Variants in RBFOX1 observed in about 807,000 individuals in gnomAD.
The protein encoded by RBFOX1 is RNA binding protein fox-1 homolog 1.
RBFOX1 carries 8 observed loss-of-function variants against 57.7 expected under a neutral mutation model. That is an observed-to-expected ratio of 0.14 (90% confidence interval 0.08 to 0.25). The LOEUF is 0.25. Ranked by LOEUF, RBFOX1 falls within the 10% of genes least tolerant of loss-of-function variation. RBFOX1 has a pLI of 1.00. For missense variants in RBFOX1, 611 were observed against 548.5 expected (o/e 1.11, Z -1.14); for synonymous variants, 326 against 222.4 (o/e 1.47, Z -4.15).
chr16:5,922,504 G>A (rs1430700467), intron 4 of RBFOX1, among the ~76,000 whole-genome samples: 2 of 152,162 alleles, frequency 1.3e-5, no homozygotes, highest in African/African-American at 4.8e-5. Flanking sequence ...TCAGGGCAGA[G>A]GAGAGCCCAG....
chr16:5,587,453 C>T (rs971226229), intron 2 of RBFOX1, among the ~76,000 whole-genome samples: 1 of 152,224 alleles, frequency 6.6e-6, no homozygotes, highest in Non-Finnish European at 1.5e-5. Context: ...TCGCTCACGC[C>T]TGTCATCCCA....
intron 4 of RBFOX1, among the ~76,000 whole-genome samples, chr16:7,255,786 AT>A (rs1567913875): frequency 6.6e-6 from 1 of 152,208 alleles, no homozygotes; most frequent in African/African-American, 2.4e-5. Context: ...TTAACAATAT[AT>A]TTTACATTTT....
chr16:6,243,696 G>T (rs1411908681), intron 1 of RBFOX1, among the ~76,000 whole-genome samples: 1 of 152,192 alleles, frequency 6.6e-6, no homozygotes, highest in Non-Finnish European at 1.5e-5. Flanking sequence ...ATGGCTTGGG[G>T]ATGAGAACCT....
intron 2 of RBFOX1, among the ~76,000 whole-genome samples, chr16:6,523,522 A>G (rs770338001): frequency 3.9e-5 from 6 of 152,114 alleles, no homozygotes; most frequent in Non-Finnish European, 7.4e-5. Context: ...CTATCACCCT[A>G]TGCTAACTGG....
At chr16:7,137,211 T>G (rs1015634316) in intron 4 of RBFOX1, among the ~76,000 whole-genome samples, 2 of 152,196 alleles carry the variant, frequency 1.3e-5, no homozygotes, top group African/African-American at 4.8e-5. Flanking sequence ...ACTCTTCTGG[T>G]GCACACTAGG....
At chr16:6,469,449 G>A (rs547873614) in intron 2 of RBFOX1, among the ~76,000 whole-genome samples, 2 of 152,284 alleles carry the variant, frequency 1.3e-5, no homozygotes, top group East Asian at 3.9e-4. Flanking sequence ...CGTTGATTGA[G>A]CACCAGATGA....
intron 2 of RBFOX1, among the ~76,000 whole-genome samples, chr16:6,485,088 C>T (rs986220255): frequency 6.6e-6 from 1 of 152,144 alleles, no homozygotes; most frequent in Non-Finnish European, 1.5e-5. Context: ...TTGTGGTTTG[C>T]TATGACTAAG....
chr16:7,582,378 A>G (rs957276984), intron 6 of RBFOX1, among the ~76,000 whole-genome samples: 4 of 152,188 alleles, frequency 2.6e-5, no homozygotes, highest in African/African-American at 2.4e-5. Flanking sequence ...AATTTTGTCT[A>G]TAAAAGTGCC....
rs2040470534 is a variant in RBFOX1, at chr16:7,025,033, T to C, written c.-15-27024T>C. On this transcript the variant is annotated intron_variant, in intron 3 of 15. Coordinates refer to ENST00000550418, the MANE Select transcript of RBFOX1 (RefSeq NM_018723.4). ...CTGGATCCCGACCCCAAGAGAGCGT[T>C]CTCAGATCTCCCGCAAGACAAGAGT... 2.6e-5 allele frequency among the ~76,000 whole-genome samples: 4 copies of C among 152,048 alleles called. No homozygotes were observed. In the South Asian group the frequency reaches 8.3e-4, roughly 32 times the overall value.
At chr16:6,631,087 G>C (rs2098379555) in intron 2 of RBFOX1, among the ~76,000 whole-genome samples, 1 of 152,094 alleles carries the variant, frequency 6.6e-6, no homozygotes, top group East Asian at 1.9e-4. Flanking sequence ...CATTTGGAGG[G>C]GGGTTGGTGC....
intron 4 of RBFOX1, among the ~76,000 whole-genome samples, chr16:7,252,734 A>T (rs1469194749): frequency 2.0e-5 from 3 of 151,546 alleles, no homozygotes; most frequent in Admixed American, 2.0e-4. Context: ...CCAACGCTAA[A>T]GGTATTTAGG....
At chr16:6,694,092 T>G (rs1042100456) in intron 3 of RBFOX1, among the ~76,000 whole-genome samples, 4 of 152,224 alleles carry the variant, frequency 2.6e-5, no homozygotes, top group Admixed American at 2.6e-4. Context: ...TTTCAATAAT[T>G]CAACACCCAG....
At chr16:7,387,361 TAAAG>T (rs1298460786) in intron 4 of RBFOX1, among the ~76,000 whole-genome samples, 8 of 152,170 alleles carry the variant, frequency 5.3e-5, no homozygotes, top group Non-Finnish European at 1.2e-4. Context: ...ACACAGCTGA[TAAAG>T]AGAGGATGTG....
intron 3 of RBFOX1, among the ~76,000 whole-genome samples, chr16:6,682,829 A>G (rs1051709670): frequency 6.6e-6 from 1 of 151,790 alleles, no homozygotes; most frequent in Non-Finnish European, 1.5e-5. Context: ...TGAAAACAGG[A>G]TAAAGGCAAA....
intron 1 of RBFOX1, among the ~76,000 whole-genome samples, chr16:6,053,059 T>C (rs2095572795): frequency 6.6e-6 from 1 of 152,066 alleles, no homozygotes; most frequent in African/African-American, 2.4e-5. Flanking sequence ...TTCTTTAAAT[T>C]GGGAAGTTTT....
intron 4 of RBFOX1, among the ~76,000 whole-genome samples, chr16:7,053,286 C>A (rs972006148): frequency 2.6e-5 from 4 of 152,144 alleles, no homozygotes; most frequent in African/African-American, 9.7e-5. Context: ...CTCAGTATGG[C>A]CCTCTCTACC....
rs1029295344 is a variant in RBFOX1 at position 5,368,694 on chromosome 16, G to A, written c.220-98522G>A. Among the ~76,000 whole-genome samples, 9 of 152,260 alleles carry A rather than the reference G, an allele frequency of 5.9e-5. No homozygotes were observed. In the East Asian group the frequency reaches 1.4e-3, roughly 23 times the overall value. On this transcript the variant is annotated intron_variant, in intron 1 of 2. Transcript: ENST00000585867. ...CTTTAAAAAAAATTCTGGCCTTTCA[G>A]GGGGGCAGGAGGGGCTGGCCCTTAG... is the stretch of plus-strand genomic sequence containing the variant.
intron 3 of RBFOX1, among the ~76,000 whole-genome samples, chr16:6,684,738 G>T (rs756357407): frequency 3.3e-5 from 5 of 152,186 alleles, no homozygotes; most frequent in Non-Finnish European, 5.9e-5. Flanking sequence ...GCCCCCTGTC[G>T]TGAATGACCG....
intron 3 of RBFOX1, among the ~76,000 whole-genome samples, chr16:5,807,502 T>C (rs1219184057): frequency 6.6e-6 from 1 of 152,200 alleles, no homozygotes; most frequent in East Asian, 1.9e-4. Context: ...TGAGCACTTT[T>C]GCACAACCAG....
Sources: allele counts gnomAD v4.1 joint callset (sites outside exome capture counted in the v4.1 genomes callset), GRCh38; gene constraint gnomAD v4.1.1; transcripts MANE v1.5; gene names NCBI Gene and HGNC (gene_info 2026-07-23, HGNC 2026-07-21).